The following TDRP variants were observed in gnomAD, a reference collection of about 807,000 sequenced individuals.
TDRP encodes the protein testis development related protein.
A neutral mutation model predicts 10.5 loss-of-function variants in TDRP; 12 were observed. That is an observed-to-expected ratio of 1.15 (90% CI 0.73 to 1.86). TDRP has a LOEUF of 1.86. Among genes scored for constraint, TDRP ranks in the 40% most tolerant of loss-of-function variants. The pLI, the probability that TDRP is intolerant of heterozygous loss-of-function variation, is 0.00. For synonymous variants in TDRP, 139 were observed against 95.4 expected (o/e 1.46, Z -2.67); for missense variants, 353 against 229.2 (o/e 1.54, Z -3.49).
At chr8:519,785 G>T (rs1038507283) in intron 1 of TDRP, among the ~76,000 whole-genome samples, 1 of 152,184 alleles carries the variant, frequency 6.6e-6, no homozygotes, top group African/African-American at 2.4e-5. Context: ...GAGGCAGTGG[G>T]GCGAGGCATT....
chr8:512,961 G>C, intron 1 of TDRP, among the ~76,000 whole-genome samples: 1 of 89,578 alleles, frequency 1.1e-5, no homozygotes, highest in South Asian at 5.0e-4. Flanking sequence ...GACAGAGCAA[G>C]ATTTCACCTC....
At chr8:506,180 C>CA (rs1801460182) in intron 1 of TDRP, among the ~76,000 whole-genome samples, 1 of 152,156 alleles carries the variant, frequency 6.6e-6, no homozygotes, top group African/African-American at 2.4e-5. Context: ...ATTTAAACAA[C>CA]AAAAAACACA....
Position 492,622 on chromosome 8 carries a change from G to A in TDRP, c.335C>T (p.Pro112Leu). 1.2e-6 allele frequency: 2 copies of A among 1,613,962 alleles called. No homozygotes were observed. Among genetic ancestry groups the A allele is most frequent in the Non-Finnish European group, 1.7e-6 (2 of 1,179,864 alleles). Residue 112 changes from proline (P) to leucine (L), a missense_variant, in exon 3 of 3, where the codon CCA (proline) becomes CTA (leucine). Pro to Leu is a moderately conservative substitution (Grantham distance 98). Transcript: ENST00000324079. ...CGATATGTCTTCAAGAGCAAGTTTT[G>A]GAGGCTCCCAACCTTCAATTTCATC... ...KPDEIEGWEP[P>L]KLALEDISAD...
chr8:524,671 G>T (rs889215331), intron 1 of TDRP, among the ~76,000 whole-genome samples: 1 of 151,786 alleles, frequency 6.6e-6, no homozygotes, highest in Non-Finnish European at 1.5e-5. Context: ...ACTGACATAT[G>T]AAGAATGCAT....
chr8:520,603 A>C (rs1801877129), intron 1 of TDRP, among the ~76,000 whole-genome samples: 1 of 152,190 alleles, frequency 6.6e-6, no homozygotes, highest in South Asian at 2.1e-4. Flanking sequence ...CCTTGGTTAC[A>C]CTGGTTATTT....
At chr8:512,625 G>C (rs970257430) in intron 1 of TDRP, among the ~76,000 whole-genome samples, 2 of 148,294 alleles carry the variant, frequency 1.3e-5, no homozygotes, top group Admixed American at 6.7e-5. Context: ...TTCCCACAAA[G>C]ACACAAACTA....
At chr8:501,059 G>A (rs1038383535) in intron 1 of TDRP, among the ~76,000 whole-genome samples, 2 of 152,120 alleles carry the variant, frequency 1.3e-5, no homozygotes, top group East Asian at 2.0e-4. Context: ...ACAAAAATTA[G>A]CCGGGCGTGA....
chr8:496,153 A>C (rs1466227246), intron 1 of TDRP, among the ~76,000 whole-genome samples: 1 of 152,062 alleles, frequency 6.6e-6, no homozygotes, highest in Non-Finnish European at 1.5e-5. Flanking sequence ...AGCAAAAAAC[A>C]CTGAGCATCA....
intron 1 of TDRP, among the ~76,000 whole-genome samples, chr8:498,758 C>T (rs576863077): frequency 6.6e-6 from 1 of 152,220 alleles, no homozygotes; most frequent in Admixed American, 6.5e-5. Context: ...AACTATAATC[C>T]CCACATGTCA....
chr8:495,214 A>G (rs1563115502), intron 1 of TDRP, among the ~76,000 whole-genome samples: 1 of 152,180 alleles, frequency 6.6e-6, no homozygotes, highest in Non-Finnish European at 1.5e-5. Context: ...AGGCTGGGCA[A>G]CAGAGCAAGA....
chr8:522,273 C>G (rs923133168), intron 1 of TDRP, among the ~76,000 whole-genome samples: 2 of 152,158 alleles, frequency 1.3e-5, no homozygotes, highest in African/African-American at 2.4e-5. Context: ...GAACTGGCCC[C>G]TTTGTCATTA....
At chr8:529,434 G>C (rs1311850474) in intron 1 of TDRP, among the ~76,000 whole-genome samples, 1 of 152,102 alleles carries the variant, frequency 6.6e-6, no homozygotes, top group African/African-American at 2.4e-5. Flanking sequence ...ATAGGATTCT[G>C]TTTTTGTCCA....
At chr8:510,215 G>C (rs1329141403) in intron 1 of TDRP, among the ~76,000 whole-genome samples, 1 of 152,174 alleles carries the variant, frequency 6.6e-6, no homozygotes, top group Non-Finnish European at 1.5e-5. Context: ...ACTGCACTCA[G>C]TCTCCAGTTC....
chr8:503,048 G>A (rs1801349086), intron 1 of TDRP, among the ~76,000 whole-genome samples: 1 of 149,844 alleles, frequency 6.7e-6, no homozygotes, highest in African/African-American at 2.5e-5. Flanking sequence ...ACGGAATCCA[G>A]AGCCACACAT....
At chr8:501,638 C>T (rs370416707) in intron 1 of TDRP, among the ~76,000 whole-genome samples, 14 of 152,190 alleles carry the variant, frequency 9.2e-5, no homozygotes, top group East Asian at 3.9e-4. Context: ...TGAGACACCG[C>T]GCCCGGACCT....
chr8:496,701 A>G (rs1378117625), intron 1 of TDRP, among the ~76,000 whole-genome samples: 1 of 152,148 alleles, frequency 6.6e-6, no homozygotes, highest in African/African-American at 2.4e-5. Flanking sequence ...TGCATGTCCT[A>G]AAGGTGTGAT....
chr8:538,378 T>TA (rs780674000), intron 1 of TDRP, among the ~76,000 whole-genome samples: 2 of 152,190 alleles, frequency 1.3e-5, no homozygotes, highest in African/African-American at 4.8e-5. Flanking sequence ...CTGGGTCAGA[T>TA]AGAGTCTGTT....
chr8:532,558 G>A (rs73670304), intron 1 of TDRP, among the ~76,000 whole-genome samples: 4,064 of 152,242 alleles, frequency 0.027, 182 homozygotes, highest in African/African-American at 0.092. Context: ...GACCAAATAA[G>A]ACCATTTATG....
chr8:508,046 C>T (rs778900669), intron 1 of TDRP, among the ~76,000 whole-genome samples: 1 of 152,094 alleles, frequency 6.6e-6, no homozygotes, highest in Non-Finnish European at 1.5e-5. Flanking sequence ...GTGGATTTAA[C>T]AGAAGAAGAC....
Sources: gnomAD v4.1 joint callset for allele counts (sites outside exome capture counted in the v4.1 genomes callset) on GRCh38, gnomAD v4.1.1 for gene constraint, MANE v1.5 for transcripts, NCBI Gene and HGNC (gene_info 2026-07-23, HGNC 2026-07-21) for gene names.